Variants in FBXO15 observed in about 807,000 individuals in gnomAD.
FBXO15 encodes the protein F-box only protein 15.
Under a neutral mutation model 49.5 loss-of-function variants are expected in FBXO15, and 30 were observed. That is an observed-to-expected ratio of 0.61 (90% confidence interval 0.45 to 0.82). FBXO15 has a LOEUF of 0.82. Ranked by LOEUF, FBXO15 falls within the 40% of genes least tolerant of loss-of-function variation. The probability of loss-of-function intolerance (pLI) is 0.00; values close to 1 mark genes in which losing one functional copy is unlikely to be tolerated. For missense variants in FBXO15, 591 were observed against 631.5 expected (o/e 0.94, Z 0.69); for synonymous variants, 250 against 232.7 (o/e 1.07, Z -0.68).
chr18:74,090,120 T>A (rs1912953188), intron 8 of FBXO15, among the ~76,000 whole-genome samples: 1 of 152,202 alleles, frequency 6.6e-6, no homozygotes, highest in African/African-American at 2.4e-5. Context: ...GTTCAGGGAT[T>A]CAATTTCTTC....
At chr18:74,145,340 TTG>T (rs1004884244) in intron 1 of FBXO15, among the ~76,000 whole-genome samples, 5 of 127,658 alleles carry the variant, frequency 3.9e-5, no homozygotes, top group Admixed American at 7.4e-5. Flanking sequence ...TCTTGCTGTT[TTG>T]TTTTTTCACA....
intron 2 of FBXO15, among the ~76,000 whole-genome samples, chr18:74,139,035 G>A (rs1354968505): frequency 1.3e-5 from 2 of 152,098 alleles, no homozygotes; most frequent in South Asian, 2.1e-4. Context: ...CACTGTTCCT[G>A]CAGCATCTGG....
chr18:74,102,757 A>G (rs1913579736), intron 8 of FBXO15, among the ~76,000 whole-genome samples: 1 of 152,156 alleles, frequency 6.6e-6, no homozygotes, highest in Admixed American at 6.5e-5. Flanking sequence ...ATATGTATAC[A>G]ATGGAATACT....
rs961894270 is a variant in FBXO15 at position 74,075,676 on chromosome 18, A to G, written c.1264-1946T>C. 6.6e-6 allele frequency among the ~76,000 whole-genome samples: 1 copy of G among 152,210 alleles called. No individual in the cohort carries two copies. Among genetic ancestry groups the G allele is most frequent in the African/African-American group, 2.4e-5 (1 of 41,460 alleles). ...CTTGATAAGGCCACTAAATCCAGTG[A>G]CCATCTGTCAGTCTGCTTCTCAGCA... On this transcript the variant is annotated intron_variant, in intron 9 of 9. Transcript: ENST00000419743. This position sits in a 1 kb window ranked among gnomAD's most constrained non-coding sequence, Gnocchi z 4.1.
At chr18:74,116,919 C>A (rs536433139) in intron 8 of FBXO15, among the ~76,000 whole-genome samples, 148 of 152,196 alleles carry the variant, frequency 9.7e-4, no homozygotes, top group Non-Finnish European at 1.9e-3. Flanking sequence ...ACAGGTCTCT[C>A]GGAGGATGAA....
chr18:74,123,330 TTA>T (rs1914550850), intron 8 of FBXO15, 36 bp downstream of exon 8: 1 of 1,590,142 alleles, frequency 6.3e-7, no homozygotes, highest in South Asian at 1.2e-5. Context: ...ACCTCAACCT[TTA>T]ATTTCATAAT....
chr18:74,114,401 C>T (rs1914145133), intron 8 of FBXO15, among the ~76,000 whole-genome samples: 1 of 152,184 alleles, frequency 6.6e-6, no homozygotes, highest in South Asian at 2.1e-4. Flanking sequence ...GTTCTGTATC[C>T]TTTCACTGTC....
chr18:74,092,911 G>T (rs1199010113), intron 8 of FBXO15, among the ~76,000 whole-genome samples: 1 of 152,164 alleles, frequency 6.6e-6, no homozygotes, highest in Non-Finnish European at 1.5e-5. Context: ...CTGAGACACA[G>T]GGCTGGTGGG....
chr18:74,127,450 C>T lies in FBXO15; in HGVS notation c.786-1349G>A, dbSNP rs116477888. Among the ~76,000 whole-genome samples, 765 of 152,354 alleles carry T rather than the reference C, an allele frequency of 5.0e-3. 4 individuals are homozygous for T. The highest frequency in any genetic ancestry group is 0.018 in the African/African-American group (728 of 41,582). The stretch of plus-strand genomic sequence containing the variant: ...AGTCTGACTAGAAAGGTATAAATTA[C>T]AGGGAAATCCAGATTACATCAATGA... On this transcript the variant is annotated intron_variant, in intron 5 of 9. Transcript: ENST00000419743.
intron 1 of FBXO15, among the ~76,000 whole-genome samples, chr18:74,146,734 A>G (rs922972375): frequency 4.6e-4 from 70 of 152,306 alleles, no homozygotes; most frequent in African/African-American, 1.7e-3. Flanking sequence ...AAGTGGAAGT[A>G]ATGGAGACCT....
chr18:74,119,480 T>C (rs746774015), intron 8 of FBXO15, among the ~76,000 whole-genome samples: 8 of 152,292 alleles, frequency 5.3e-5, no homozygotes, highest in East Asian at 1.9e-4. Context: ...CTCAGTGTGA[T>C]AGACAGTGCT....
rs1979538043 is a variant in FBXO15 at position 74,147,702 on chromosome 18, C to G, written c.84G>C (p.Ala28=). The change falls in exon 1 of 10, where the codon GCG becomes GCC. Residue 28 remains alanine, a synonymous_variant. Transcript: ENST00000419743. ...TLRGPSRGGG[A]ARGRARAFGC... ...CAAAGGCCCTGGCGCGCCCCCGGGCCGCGCCACCGCCCCTGCTGGGCCCGC... is the reference window on the plus strand; with the variant it reads ...CAAAGGCCCTGGCGCGCCCCCGGGCGGCGCCACCGCCCCTGCTGGGCCCGC... 6.6e-7 allele frequency: 1 copy of G among 1,521,196 alleles called. No homozygotes were observed. Among genetic ancestry groups the G allele is most frequent in the Non-Finnish European group, 8.8e-7 (1 of 1,137,586 alleles). The allele number at this position is 1,521,196 out of a possible 1,614,324, so 94.2% of individuals were successfully genotyped here.
In FBXO15 at chr18:74,140,286, G is replaced by A; in HGVS notation, c.143C>T (p.Ala48Val). 2 of 1,551,332 alleles carry A rather than the reference G, an allele frequency of 1.3e-6. No homozygotes were observed. The highest frequency in any genetic ancestry group is 2.4e-5 in the South Asian group (2 of 83,970). The change falls in exon 2 of 10, where the codon GCA becomes GTA. Residue 48 changes from alanine to valine, a missense_variant. By Grantham distance (64) the Ala-to-Val change is moderately conservative (BLOSUM62 0). Transcript: ENST00000419743. ...ATGGCACCTCAGGGCAGCAGAGCCTGCAGAAAGCTTGACCCCTGGCCCCTT... is the reference window on the plus strand; with the variant it reads ...ATGGCACCTCAGGGCAGCAGAGCCTACAGAAAGCTTGACCCCTGGCCCCTT... ...CRKGPGVKLS[A>V]GSAALRCHAG...
chr18:74,130,342 A>T, intron 4 of FBXO15, 74 bp downstream of exon 4: 2 of 1,566,290 alleles, frequency 1.3e-6, no homozygotes, highest in Non-Finnish European at 1.7e-6. Context: ...CACACAATCT[A>T]AACTGCACAT....
chr18:74,093,272 G>T (rs935660943), intron 8 of FBXO15, among the ~76,000 whole-genome samples: 5 of 150,238 alleles, frequency 3.3e-5, no homozygotes, highest in Non-Finnish European at 5.9e-5. Flanking sequence ...ATGGGGGGGG[G>T]GTGGCTGCAG....
rs573842892 is a variant in FBXO15 at position 74,109,538 on chromosome 18, A to C, written c.1138+13830T>G. 5.3e-5 allele frequency among the ~76,000 whole-genome samples: 8 copies of C among 152,344 alleles called. No individual in the cohort carries two copies. In the South Asian group the frequency reaches 1.7e-3, roughly 32 times the overall value. The stretch of plus-strand genomic sequence containing the variant: ...TAAAGACACATGCACACATACGTTT[A>C]TTGTGGCACTATTCACAATAGCAAA... On this transcript the variant is annotated intron_variant, in intron 8 of 9. Transcript: ENST00000419743.
chr18:74,089,675 C>T (rs879427867), intron 8 of FBXO15, among the ~76,000 whole-genome samples: 6 of 152,126 alleles, frequency 3.9e-5, no homozygotes, highest in Non-Finnish European at 2.9e-5. Context: ...TATTGATAAT[C>T]ATGTGGTTTT....
chr18:74,139,801 A>G (rs1159393251), intron 2 of FBXO15, among the ~76,000 whole-genome samples: 1 of 152,230 alleles, frequency 6.6e-6, no homozygotes, highest in Non-Finnish European at 1.5e-5. Context: ...TGAGGGTCAC[A>G]GCACAGAATC....
intron 8 of FBXO15, among the ~76,000 whole-genome samples, chr18:74,109,313 A>T (rs1018240612): frequency 1.3e-5 from 2 of 152,212 alleles, no homozygotes; most frequent in African/African-American, 2.4e-5. Context: ...GGTGATCATT[A>T]AAAAGCCAGG....
Sources: gnomAD v4.1 joint callset for allele counts (sites outside exome capture counted in the v4.1 genomes callset) on GRCh38, gnomAD v4.1.1 for gene constraint, Gnocchi (gnomAD v3.1) non-coding constraint, MANE v1.5 for transcripts, NCBI Gene and HGNC (gene_info 2026-07-23, HGNC 2026-07-21) for gene names.